CDCP1: variants seen among roughly 807,000 people sequenced by gnomAD.
CDCP1 encodes the protein CUB domain containing protein 1.
CDCP1 carries 29 observed loss-of-function variants against 60.2 expected under a neutral mutation model. The observed-to-expected ratio is 0.48, with a 90% CI of 0.36 to 0.66. CDCP1 has a LOEUF of 0.66. Among genes scored for constraint, CDCP1 ranks in the 30% least tolerant of loss-of-function variants. The probability of loss-of-function intolerance (pLI) is 0.00; values close to 1 mark genes in which losing one functional copy is unlikely to be tolerated. For missense variants in CDCP1, 876 were observed against 1,074.3 expected (o/e 0.82, Z 2.58); for synonymous variants, 387 against 431.1 (o/e 0.90, Z 1.27).
At chr3:45,116,565 T>C (rs1016551865) in intron 2 of CDCP1, among the ~76,000 whole-genome samples, 1 of 152,174 alleles carries the variant, frequency 6.6e-6, no homozygotes, top group African/African-American at 2.4e-5. Context: ...AATAGCAGAG[T>C]TGAGGAGCTG....
intron 4 of CDCP1, among the ~76,000 whole-genome samples, chr3:45,100,332 G>A (rs1455537871): frequency 6.6e-6 from 1 of 152,150 alleles, no homozygotes; most frequent in Non-Finnish European, 1.5e-5. Flanking sequence ...TTTGGTTCAG[G>A]GACTCTCATC....
At chr3:45,115,364 G>T (rs1312232004) in intron 2 of CDCP1, among the ~76,000 whole-genome samples, 2 of 152,146 alleles carry the variant, frequency 1.3e-5, no homozygotes, top group African/African-American at 4.8e-5. Context: ...CAGACTTTGG[G>T]TTCTGTATGA....
At chr3:45,130,036 C>CACACACACACACAATATG (rs1553611294) in intron 1 of CDCP1, among the ~76,000 whole-genome samples, 2 of 151,612 alleles carry the variant, frequency 1.3e-5, no homozygotes, top group African/African-American at 4.9e-5. Context: ...ACAAGACACA[C>CACACACACACACAATATG]ACACACACAC....
At chr3:45,088,924 T>A in intron 8 of CDCP1, 130 bp downstream of exon 8, 1 of 758,468 alleles carries the variant, frequency 1.3e-6, no homozygotes, top group Admixed American at 2.2e-5. Context: ...CCTGGCAATA[T>A]TGTTTAACAT....
intron 2 of CDCP1, among the ~76,000 whole-genome samples, chr3:45,117,491 G>A (rs1440699946): frequency 1.3e-5 from 2 of 152,098 alleles, no homozygotes; most frequent in African/African-American, 4.8e-5. Flanking sequence ...CACATGAGTA[G>A]TAGCCCTGGA....
At chr3:45,115,930 TAA>T (rs1291071698) in intron 2 of CDCP1, among the ~76,000 whole-genome samples, 2 of 152,174 alleles carry the variant, frequency 1.3e-5, no homozygotes, top group African/African-American at 2.4e-5. Context: ...TCCATTTATT[TAA>T]GTCTTCTCTT....
chr3:45,089,527 T>C (rs1698257708), intron 7 of CDCP1, among the ~76,000 whole-genome samples: 1 of 152,196 alleles, frequency 6.6e-6, no homozygotes, highest in Non-Finnish European at 1.5e-5. Context: ...CCAAAGGCCA[T>C]AGACATATGT....
At chr3:45,132,785 T>C (rs1282537384) in intron 1 of CDCP1, among the ~76,000 whole-genome samples, 2 of 152,158 alleles carry the variant, frequency 1.3e-5, no homozygotes, top group African/African-American at 4.8e-5. Context: ...ATGGCCATGA[T>C]CATTACCATT....
intron 4 of CDCP1, among the ~76,000 whole-genome samples, chr3:45,104,791 C>T (rs1306692202): frequency 2.6e-5 from 4 of 152,154 alleles, no homozygotes; most frequent in Non-Finnish European, 4.4e-5. Context: ...TGGTGGCTCA[C>T]GCCTGTAATC....
At chr3:45,115,745 C>T (rs1698779169) in intron 2 of CDCP1, among the ~76,000 whole-genome samples, 1 of 151,884 alleles carries the variant, frequency 6.6e-6, no homozygotes, top group Admixed American at 6.6e-5. Flanking sequence ...ACTCTGTCAT[C>T]CAGGCTAGAG....
At chr3:45,103,521 T>G (rs1338110670) in intron 4 of CDCP1, among the ~76,000 whole-genome samples, 1 of 152,256 alleles carries the variant, frequency 6.6e-6, no homozygotes, top group Non-Finnish European at 1.5e-5. Context: ...GTAAGCACTA[T>G]GCTTTGAATA....
rs1303162951 is a variant in CDCP1 at position 45,085,463 on chromosome 3, T to C, written c.*175A>G. On this transcript the variant is annotated 3_prime_UTR_variant, in exon 9 of 9. Coordinates refer to ENST00000296129, the MANE Select transcript of CDCP1 (RefSeq NM_022842.5). The surrounding 1 kb of genome is among the most constrained non-coding windows in gnomAD (Gnocchi z 4.2). The stretch of plus-strand genomic sequence containing the variant: ...CCAGATTGGAATTCATCATTTTCAA[T>C]GTCTTGCCCTTAGAATGAGTCCACT... 1 of 646,668 alleles carries C rather than the reference T, an allele frequency of 1.5e-6. No homozygotes were observed. The highest frequency in any genetic ancestry group is 2.7e-6 in the Non-Finnish European group (1 of 371,210). 40.1% of individuals were successfully genotyped at this position (646,668 alleles called of 1,614,324 possible).
intron 1 of CDCP1, among the ~76,000 whole-genome samples, chr3:45,126,108 C>CTCTTTCTTTCCTTCTT (rs1553610966): frequency 0.097 from 10,654 of 110,010 alleles, 1,016 homozygotes; most frequent in Middle Eastern, 0.11. Flanking sequence ...TTGTCTCTCT[C>CTCTTTCTTTCCTTCTT]TCTTTCTTTC....
At position 45,093,399 on chromosome 3, in the gene CDCP1, C is replaced by T. The variant is rs757793970; in HGVS notation, c.1505G>A (p.Gly502Asp). ...DLYFGSFCPG[G>D]SIKQIQVKQN... Reference sequence around the variant, plus strand: ...CTTCACCTGGATCTGCTTGATAGAGCCTCCCGGGCAGAAGGAGCCGAAGTA... The same window carrying T: ...CTTCACCTGGATCTGCTTGATAGAGTCTCCCGGGCAGAAGGAGCCGAAGTA... Residue 502 changes from glycine to aspartate, a missense_variant, in exon 6 of 9, where the codon GGC (glycine) becomes GAC (aspartate). This residue lies in a region of CDCP1 where 726 missense variants were observed against 935.7 expected (regional missense o/e 0.78). Transcript: ENST00000296129. 1.2e-6 allele frequency: 2 copies of T among 1,614,132 alleles called. No individual in the cohort carries two copies. The highest frequency in any genetic ancestry group is 2.2e-5 in the South Asian group (2 of 91,072).
intron 1 of CDCP1, among the ~76,000 whole-genome samples, chr3:45,138,344 G>A (rs1317958110): frequency 6.6e-6 from 1 of 152,194 alleles, no homozygotes; most frequent in African/African-American, 2.4e-5. Flanking sequence ...AAAGCACAAT[G>A]TGTAGGTAAC....
chr3:45,095,546 C>T lies in CDCP1; in HGVS notation c.1047G>A (p.Leu349=). 6.2e-7 allele frequency: 1 copy of T among 1,614,054 alleles called. No individual in the cohort carries two copies. The highest frequency in any genetic ancestry group is 2.2e-5 in the East Asian group (1 of 44,874). Residue 349 remains leucine, a synonymous_variant, in exon 5 of 9, where the codon TTG becomes TTA. Coordinates refer to ENST00000296129, the MANE Select transcript of CDCP1 (RefSeq NM_022842.5). Reference sequence around the variant, plus strand: ...TGAGTGACATGGCTCGCTCATTACTCAAGTCAACCACGTAGATTTTATCTG... The same window carrying T: ...TGAGTGACATGGCTCGCTCATTACTTAAGTCAACCACGTAGATTTTATCTG... ...NESNKIYVVD[L]SNERAMSLTI...
chr3:45,143,906 T>G (rs1212409217), intron 1 of CDCP1, among the ~76,000 whole-genome samples: 1 of 152,212 alleles, frequency 6.6e-6, no homozygotes, highest in Non-Finnish European at 1.5e-5. Flanking sequence ...GCTCCTCATT[T>G]GAATCGGAAA....
intron 1 of CDCP1, among the ~76,000 whole-genome samples, chr3:45,125,927 G>C (rs932827741): frequency 6.6e-6 from 1 of 152,166 alleles, no homozygotes; most frequent in African/African-American, 2.4e-5. Context: ...CCAGAGAAGT[G>C]ACCTCCCTTC....
rs1251991206 is a variant in CDCP1 at position 45,111,473 on chromosome 3, C to T, written c.655+610G>A. Among the ~76,000 whole-genome samples, 6 of 152,086 alleles carry T rather than the reference C, an allele frequency of 3.9e-5. No homozygotes were observed. In the South Asian group the frequency reaches 6.2e-4, roughly 16 times the overall value. ...GGAGGATTACCTCAGGTCAGGAGTT[C>T]GAGACCAGCCTGGCCAACATGGTGA... On this transcript the variant is annotated intron_variant, in intron 3 of 8. Coordinates refer to ENST00000296129, the MANE Select transcript of CDCP1 (RefSeq NM_022842.5).
Sources: gnomAD v4.1 joint callset for allele counts (sites outside exome capture counted in the v4.1 genomes callset) on GRCh38, gnomAD v4.1.1 for gene constraint, gnomAD v4.1.1 regional missense constraint, Gnocchi (gnomAD v3.1) non-coding constraint, MANE v1.5 for transcripts, NCBI Gene and HGNC (gene_info 2026-07-23, HGNC 2026-07-21) for gene names.